The following RBFOX1 variants were observed in gnomAD, a reference collection of about 807,000 sequenced individuals.
The protein encoded by RBFOX1 is RNA binding fox-1 homolog 1.
A neutral mutation model predicts 57.7 loss-of-function variants in RBFOX1; 8 were observed. The ratio of observed to expected loss-of-function variants is 0.14; its 90% CI spans 0.08 to 0.25. The LOEUF is 0.25. Ranked by LOEUF, RBFOX1 falls within the 10% of genes least tolerant of loss-of-function variation. The pLI is 1.00. For synonymous variants in RBFOX1, 326 were observed against 222.4 expected (o/e 1.47, Z -4.15); for missense variants, 611 against 548.5 (o/e 1.11, Z -1.14).
At chr16:5,524,326 T>G (rs767365719) in intron 2 of RBFOX1, among the ~76,000 whole-genome samples, 3 of 152,180 alleles carry the variant, frequency 2.0e-5, no homozygotes, top group African/African-American at 4.8e-5. Context: ...CCATTCAACC[T>G]TTATTCTTTT....
chr16:6,767,947 TAAGAAGAAGAAG>T (rs71145291), intron 3 of RBFOX1, among the ~76,000 whole-genome samples: 132 of 101,032 alleles, frequency 1.3e-3, no homozygotes, highest in East Asian at 7.8e-3. Context: ...ATAATAATAA[TAAGAAGAAGAAG>T]AAGAAGAAGA....
chr16:6,134,284 T>C (rs1597637361), intron 1 of RBFOX1, among the ~76,000 whole-genome samples: 1 of 152,156 alleles, frequency 6.6e-6, no homozygotes, highest in East Asian at 1.9e-4. Flanking sequence ...CAGCAGATAT[T>C]GTGGTTGCAG....
intron 2 of RBFOX1, among the ~76,000 whole-genome samples, chr16:5,487,954 GGAGAAGATGATTATGGT>G (rs988120039): frequency 6.6e-6 from 1 of 152,002 alleles, no homozygotes; most frequent in African/African-American, 2.4e-5. Flanking sequence ...GTGGTGGTGG[GGAGAAGATGATTATGGT>G]GAAGACGATG....
intron 4 of RBFOX1, among the ~76,000 whole-genome samples, chr16:7,248,481 G>C (rs970338050): frequency 6.6e-6 from 1 of 152,158 alleles, no homozygotes; most frequent in Non-Finnish European, 1.5e-5. Flanking sequence ...AGACTTTCAC[G>C]CTTACACTTG....
intron 3 of RBFOX1, among the ~76,000 whole-genome samples, chr16:6,911,777 C>T (rs1370859175): frequency 1.3e-5 from 2 of 152,036 alleles, no homozygotes; most frequent in African/African-American, 2.4e-5. Context: ...ATTTTGTTTC[C>T]ACTTATAGAA....
intron 3 of RBFOX1, among the ~76,000 whole-genome samples, chr16:6,911,215 AAAAG>A (rs1344125413): frequency 6.6e-6 from 1 of 152,050 alleles, no homozygotes; most frequent in Non-Finnish European, 1.5e-5. Flanking sequence ...AAAAAAAAAA[AAAAG>A]CAAACTGAAG....
intron 4 of RBFOX1, among the ~76,000 whole-genome samples, chr16:7,251,465 C>T (rs1037494733): frequency 1.2e-4 from 17 of 144,658 alleles, no homozygotes; most frequent in Admixed American, 8.5e-4. Context: ...GGCTGGAGTG[C>T]AGTGGCGCGG....
At chr16:6,196,468 A>G (rs1223330437) in intron 1 of RBFOX1, among the ~76,000 whole-genome samples, 2 of 152,206 alleles carry the variant, frequency 1.3e-5, no homozygotes, top group African/African-American at 2.4e-5. Context: ...ACAGTAGACA[A>G]TAAATCTGGA....
At chr16:5,449,692 G>A (rs1028196786) in intron 1 of RBFOX1, among the ~76,000 whole-genome samples, 4 of 152,212 alleles carry the variant, frequency 2.6e-5, no homozygotes, top group South Asian at 2.1e-4. Flanking sequence ...CACTGCAACC[G>A]CAAACTCCTG....
chr16:6,610,520 A>G (rs1308855296), intron 2 of RBFOX1, among the ~76,000 whole-genome samples: 1 of 152,048 alleles, frequency 6.6e-6, no homozygotes, highest in Non-Finnish European at 1.5e-5. Context: ...TGTAGAGATG[A>G]GGACTCCCTT....
chr16:7,687,313 C>T (rs2076275197), intron 14 of RBFOX1, among the ~76,000 whole-genome samples: 1 of 151,956 alleles, frequency 6.6e-6, no homozygotes, highest in Non-Finnish European at 1.5e-5. Context: ...ATACTGATTG[C>T]AAGGAACCTC....
intron 3 of RBFOX1, chr16:6,773,675 ATG>A (rs2078836203): frequency 5.8e-4 from 4 of 6,956 alleles, no homozygotes; most frequent in East Asian, 0.023. Flanking sequence ...GTGTGTGTGT[ATG>A]TGTATGTGTA....
chr16:6,535,989 A>G (rs2096729965), intron 2 of RBFOX1, among the ~76,000 whole-genome samples: 1 of 152,138 alleles, frequency 6.6e-6, no homozygotes, highest in South Asian at 2.1e-4. Flanking sequence ...GACTTCATAT[A>G]TATCTATCTC....
chr16:5,906,034 C>T (rs1335776961), intron 4 of RBFOX1, among the ~76,000 whole-genome samples: 1 of 152,218 alleles, frequency 6.6e-6, no homozygotes, highest in East Asian at 1.9e-4. Flanking sequence ...GTATTTGCTG[C>T]TTTGGCTGTG....
intron 13 of RBFOX1, among the ~76,000 whole-genome samples, chr16:7,672,112 T>C (rs1364641484): frequency 6.6e-6 from 1 of 152,238 alleles, no homozygotes; most frequent in Non-Finnish European, 1.5e-5. Context: ...TAACCCTCCC[T>C]GGTCTTAGTA....
intron 3 of RBFOX1, among the ~76,000 whole-genome samples, chr16:5,678,259 C>T (rs913707710): frequency 7.2e-5 from 11 of 152,138 alleles, no homozygotes; most frequent in Non-Finnish European, 1.5e-4. Context: ...AGTCAGTGTC[C>T]TCTGAAGAGG....
intron 2 of RBFOX1, among the ~76,000 whole-genome samples, chr16:6,636,617 T>G (rs973201721): frequency 6.6e-6 from 1 of 151,550 alleles, no homozygotes; most frequent in African/African-American, 2.4e-5. Flanking sequence ...GTATTTTTTG[T>G]GTGCATGATC....
chr16:6,183,459 G>T (rs1265675348), intron 1 of RBFOX1, among the ~76,000 whole-genome samples: 1 of 150,316 alleles, frequency 6.7e-6, no homozygotes, highest in Non-Finnish European at 1.5e-5. Flanking sequence ...CAGTCTGGGT[G>T]ACAGAGCAAG....
In RBFOX1 at chr16:6,464,840, T is replaced by C. The variant is rs147154923; in HGVS notation, c.-64+147783T>C. On this transcript the variant is annotated intron_variant, in intron 2 of 15. Coordinates refer to ENST00000550418, the MANE Select transcript of RBFOX1 (RefSeq NM_018723.4). ...GCAATGTTTAAGCCAAGTTAACTGA[T>C]AGCAGTGCGTTAAAAACAGGTAGTA... is the stretch of plus-strand genomic sequence containing the variant. 1.5e-3 allele frequency among the ~76,000 whole-genome samples: 221 copies of C among 152,336 alleles called. 1 individual carries two copies. The highest frequency in any genetic ancestry group is 5.0e-3 in the African/African-American group (207 of 41,588).
Sources: gnomAD v4.1 joint callset for allele counts (sites outside exome capture counted in the v4.1 genomes callset) on GRCh38, gnomAD v4.1.1 for gene constraint, MANE v1.5 for transcripts, NCBI Gene and HGNC (gene_info 2026-07-23, HGNC 2026-07-21) for gene names.